The following KCNA3 variants were observed in gnomAD, a reference collection of about 807,000 sequenced individuals.
The protein encoded by KCNA3 is potassium voltage-gated channel subfamily A member 3, also known as RP11-284N8.3.
Under a neutral mutation model 34.3 loss-of-function variants are expected in KCNA3, and 18 were observed. The ratio of observed to expected loss-of-function variants is 0.52; its 90% CI spans 0.36 to 0.78. The LOEUF is 0.78. Ranked by LOEUF, KCNA3 falls within the 30% of genes least tolerant of loss-of-function variation. The pLI, the probability that KCNA3 is intolerant of heterozygous loss-of-function variation, is 0.00. For missense variants in KCNA3, 587 were observed against 802.5 expected (o/e 0.73, Z 3.24); for synonymous variants, 324 against 351.7 (o/e 0.92, Z 0.88).
downstream of KCNA3, among the ~76,000 whole-genome samples, chr1:110,671,792 T>C (rs554446819): frequency 6.6e-6 from 1 of 152,206 alleles, no homozygotes; most frequent in Non-Finnish European, 1.5e-5. Context: ...TTAAATTTCA[T>C]TTGTTGGCTT....
At chr1:110,653,705 A>T in the KCNA3 span, 1 of 152,164 alleles carries the variant, frequency 6.6e-6, no homozygotes, top group Non-Finnish European at 1.5e-5. Flanking sequence ...TTAACAAAAG[A>T]CCCAAAATTA....
chr1:110,672,146 T>C (rs1375057732), downstream of KCNA3, among the ~76,000 whole-genome samples: 1 of 152,152 alleles, frequency 6.6e-6, no homozygotes, highest in African/African-American at 2.4e-5. Flanking sequence ...GAGCAAGAGA[T>C]GCCATGACAA....
At position 110,674,930 on chromosome 1, in the gene KCNA3, T is replaced by C. The variant is rs890081761; in HGVS notation, c.-121A>G. ...TGTTGCAGCCAAAGCCGCGATGCTC[T>C]GTCTGGGTCTGGCGCGGTCAGCCGG... On this transcript the variant is annotated 5_prime_UTR_variant, in exon 1 of 1. Transcript: ENST00000369769. The surrounding 1 kb of genome is among the most constrained non-coding windows in gnomAD (Gnocchi z 6.4). 3 of 1,209,598 alleles carry C rather than the reference T, an allele frequency of 2.5e-6. No individual in the cohort carries two copies. Among genetic ancestry groups the C allele is most frequent in the African/African-American group, 1.6e-5 (1 of 63,268 alleles). 74.9% of individuals were successfully genotyped at this position (1,209,598 alleles called of 1,614,324 possible). A position where few individuals can be genotyped will look rare whatever the true frequency, so the allele number is the denominator to read the frequency against.
At chr1:110,669,259 C>T (rs1376627331), downstream of KCNA3, among the ~76,000 whole-genome samples, 1 of 152,124 alleles carries the variant, frequency 6.6e-6, no homozygotes, top group African/African-American at 2.4e-5. Context: ...ATAATGCTAT[C>T]ATCTATTGTT....
At chr1:110,662,555 A>G in the KCNA3 span, among the ~76,000 whole-genome samples, 2 of 152,210 alleles carry the variant, frequency 1.3e-5, no homozygotes, top group Admixed American at 6.5e-5. Context: ...AAGTTTTACC[A>G]GTTCTACCAA....
At position 110,673,694 on chromosome 1, in the gene KCNA3, G is replaced by T; in HGVS notation, c.1116C>A (p.Phe372Leu). The T allele has an allele frequency of 1.2e-6, 2 of 1,614,208 alleles. No individual in the cohort carries two copies. The highest frequency in any genetic ancestry group is 1.7e-6 in the Non-Finnish European group (2 of 1,180,048). Residue 372 changes from phenylalanine to leucine, a missense_variant, in exon 1 of 1, where the codon TTC (phenylalanine) becomes TTA (leucine). Physicochemically the swap from Phe to Leu is conservative, Grantham distance 22 (BLOSUM62 0). Transcript: ENST00000369769. The surrounding 1 kb of genome is among the most constrained non-coding windows in gnomAD (Gnocchi z 8.8). ...ILRVIRLVRV[F>L]RIFKLSRHSK... ...AGTGGCGCGACAGCTTGAAGATGCG[G>T]AAGACCCTTACCAGGCGGATGACCC...
chr1:110,671,076 C>T (rs1651871683), downstream of KCNA3, among the ~76,000 whole-genome samples: 1 of 152,000 alleles, frequency 6.6e-6, no homozygotes, highest in African/African-American at 2.4e-5. Context: ...AAGAACTGTA[C>T]CACTGCATAC....
At chr1:110,658,245 C>A in the KCNA3 span, among the ~76,000 whole-genome samples, 1 of 152,132 alleles carries the variant, frequency 6.6e-6, no homozygotes, top group South Asian at 2.1e-4. Flanking sequence ...CACTTTTACT[C>A]CATTCTGTAG....
At chr1:110,655,965 G>C in the KCNA3 span, 5 of 151,980 alleles carry the variant, frequency 3.3e-5, no homozygotes, top group Non-Finnish European at 7.4e-5. Context: ...CCTGAATTTT[G>C]TTTCTCACTC....
chr1:110,663,791 G>C, the KCNA3 span, among the ~76,000 whole-genome samples: 1 of 152,228 alleles, frequency 6.6e-6, no homozygotes, highest in African/African-American at 2.4e-5. Context: ...TTTAGAAGTA[G>C]TTTAAGTTTG....
Position 110,674,356 on chromosome 1 carries a change from T to C in KCNA3, c.454A>G (p.Asn152Asp), listed in dbSNP as rs753811369. ...AGGATGGCGTCGAAGCTGGGCCGGT[T>C]GCGGTCGAAGAAGTACTCGTTGCGG... ...PLRNEYFFDR[N>D]RPSFDAILYY... is the part of the protein sequence containing the mutation. The change falls in exon 1 of 1, where the codon AAC (asparagine) becomes GAC (aspartate). Residue 152 changes from asparagine to aspartate, a missense_variant. Around this residue, in one of 7 missense-constraint regions of KCNA3, gnomAD observed 341 missense variants for 355.4 expected, o/e 0.96. Transcript: ENST00000369769. This position sits in a 1 kb window ranked among gnomAD's most constrained non-coding sequence, Gnocchi z 6.4. 6.2e-7 allele frequency: 1 copy of C among 1,614,118 alleles called. No individual in the cohort carries two copies. Among genetic ancestry groups the C allele is most frequent in the Non-Finnish European group, 8.5e-7 (1 of 1,180,004 alleles).
At position 110,673,019 on chromosome 1, in the gene KCNA3, T is replaced by C; in HGVS notation, c.*63A>G. The C allele has an allele frequency of 6.8e-7, 1 of 1,474,302 alleles. No homozygotes were observed. The highest frequency in any genetic ancestry group is 9.3e-7 in the Non-Finnish European group (1 of 1,079,146). The allele number at this position is 1,474,302 out of a possible 1,614,324, so 91.3% of individuals were successfully genotyped here. A position where few individuals can be genotyped will look rare whatever the true frequency, so the allele number is the denominator to read the frequency against. Reference sequence around the variant, plus strand: ...TCTGGAAATGTATAAAACAAGGGCATAGGCAGACCAAGGGGGCACGTTCCA... The same window carrying C: ...TCTGGAAATGTATAAAACAAGGGCACAGGCAGACCAAGGGGGCACGTTCCA... On this transcript the variant is annotated 3_prime_UTR_variant, in exon 1 of 1. Coordinates refer to ENST00000369769, the MANE Select transcript of KCNA3 (RefSeq NM_002232.5). The surrounding 1 kb of genome is among the most constrained non-coding windows in gnomAD (Gnocchi z 8.8).
At chr1:110,665,169 C>G in the KCNA3 span, among the ~76,000 whole-genome samples, 8 of 152,192 alleles carry the variant, frequency 5.3e-5, no homozygotes, top group Non-Finnish European at 1.0e-4. Context: ...TGTAATATAA[C>G]TTGATAAATG....
At chr1:110,658,577 C>T in the KCNA3 span, among the ~76,000 whole-genome samples, 3 of 152,068 alleles carry the variant, frequency 2.0e-5, no homozygotes, top group African/African-American at 7.2e-5. Context: ...ATCTTCATGA[C>T]CTCCTAAATC....
At chr1:110,661,569 T>C in the KCNA3 span, among the ~76,000 whole-genome samples, 1 of 152,186 alleles carries the variant, frequency 6.6e-6, no homozygotes, top group African/African-American at 2.4e-5. Flanking sequence ...TAGGTTCTGC[T>C]CAATGCTACT....
chr1:110,667,302 G>A, the KCNA3 span, among the ~76,000 whole-genome samples: 1 of 152,034 alleles, frequency 6.6e-6, no homozygotes, highest in Admixed American at 6.5e-5. Flanking sequence ...GTGGGTAGGG[G>A]CCTCCATAGA....
At chr1:110,656,595 T>A in the KCNA3 span, 9 of 152,370 alleles carry the variant, frequency 5.9e-5, no homozygotes, top group African/African-American at 2.2e-4. Context: ...TGAGAGTTTT[T>A]GGCAGAGCCA....
chr1:110,674,795 G>T lies in KCNA3; in HGVS notation c.15C>A (p.Leu5=). 7.6e-7 allele frequency: 1 copy of T among 1,324,496 alleles called. No homozygotes were observed. Among genetic ancestry groups the T allele is most frequent in the East Asian group, 3.1e-5 (1 of 31,988 alleles). The allele number at this position is 1,324,496 out of a possible 1,614,324, so 82.0% of individuals were successfully genotyped here. MDER[L]SLLRSPPPPS... is the part of the protein sequence containing the mutation. Reference sequence around the variant, plus strand: ...GCGGCGGCGGCGAGCGCAGAAGGCTGAGGCGCTCGTCCATGCGGCGGGGAA... The same window carrying T: ...GCGGCGGCGGCGAGCGCAGAAGGCTTAGGCGCTCGTCCATGCGGCGGGGAA... Residue 5 remains leucine (L), a synonymous_variant, in exon 1 of 1, where the codon CTC becomes CTA. Transcript: ENST00000369769. This position sits in a 1 kb window ranked among gnomAD's most constrained non-coding sequence, Gnocchi z 6.4.
At chr1:110,660,780 C>T in the KCNA3 span, among the ~76,000 whole-genome samples, 1 of 152,106 alleles carries the variant, frequency 6.6e-6, no homozygotes, top group African/African-American at 2.4e-5. Flanking sequence ...TTGAGAAATT[C>T]TGATAGCAAA....
Sources: allele counts gnomAD v4.1 joint callset (sites outside exome capture counted in the v4.1 genomes callset), GRCh38; gene constraint gnomAD v4.1.1; regional missense constraint gnomAD v4.1.1; non-coding constraint Gnocchi (gnomAD v3.1); transcripts MANE v1.5; gene names NCBI Gene and HGNC (gene_info 2026-07-23, HGNC 2026-07-21).